Variants in THRB observed in about 807,000 individuals in gnomAD.
THRB encodes thyroid hormone receptor beta, also known as nuclear receptor subfamily 1 group A member 2.
In THRB, 12 loss-of-function variants were observed where a neutral mutation model predicts 47.8. The observed-to-expected ratio is 0.25, with a 90% CI of 0.16 to 0.41. The LOEUF (loss-of-function observed/expected upper bound fraction) is 0.41, where lower values mean the gene tolerates loss of function less well. Among genes scored for constraint, THRB ranks in the 10% least tolerant of loss-of-function variants. The pLI is 1.00. For missense variants in THRB, 348 were observed against 589.2 expected (o/e 0.59, Z 4.24); for synonymous variants, 218 against 212.2 (o/e 1.03, Z -0.24).
intron 3 of THRB, among the ~76,000 whole-genome samples, chr3:24,291,500 T>C (rs2055916420): frequency 6.6e-6 from 1 of 152,212 alleles, no homozygotes; most frequent in African/African-American, 2.4e-5. Context: ...GGGTGTAATA[T>C]TTGCATAAAA....
intron 1 of THRB, among the ~76,000 whole-genome samples, chr3:24,470,239 GA>G (rs1553772298): frequency 6.6e-6 from 1 of 152,162 alleles, no homozygotes; most frequent in Non-Finnish European, 1.5e-5. Flanking sequence ...AACAATTTAT[GA>G]GAAACAAATT....
At chr3:24,456,213 T>C (rs987298939) in intron 1 of THRB, among the ~76,000 whole-genome samples, 2 of 151,892 alleles carry the variant, frequency 1.3e-5, no homozygotes, top group African/African-American at 2.4e-5. Flanking sequence ...CACACACCTG[T>C]AATCCCAGCT....
chr3:24,386,903 A>G (rs2066166367), intron 1 of THRB, among the ~76,000 whole-genome samples: 1 of 152,172 alleles, frequency 6.6e-6, no homozygotes, highest in Admixed American at 6.6e-5. Flanking sequence ...GAGTTAAAGC[A>G]CAGAAAGCAC....
At chr3:24,391,709 G>A (rs1481434589) in intron 1 of THRB, among the ~76,000 whole-genome samples, 3 of 151,840 alleles carry the variant, frequency 2.0e-5, no homozygotes, top group African/African-American at 4.8e-5. Context: ...CAGCTGGTCC[G>A]TCCTCCATTT....
intron 1 of THRB, among the ~76,000 whole-genome samples, chr3:24,353,190 C>T (rs984988065): frequency 1.3e-5 from 2 of 151,982 alleles, no homozygotes; most frequent in African/African-American, 2.4e-5. Context: ...GTCAGAAACA[C>T]TCTTTGTCTT....
chr3:24,454,056 A>ATT (rs2072935603), intron 1 of THRB, among the ~76,000 whole-genome samples: 1 of 152,206 alleles, frequency 6.6e-6, no homozygotes, highest in African/African-American at 2.4e-5. Flanking sequence ...CGAAATAAAA[A>ATT]TTTTGCAAAT....
Position 24,143,690 on chromosome 3 carries a change from G to C in THRB, c.549C>G (p.Ser183Arg). The C allele has an allele frequency of 6.2e-7, 1 of 1,614,024 alleles. No individual in the cohort carries two copies. Among genetic ancestry groups the C allele is most frequent in the Non-Finnish European group, 8.5e-7 (1 of 1,180,022 alleles). The change falls in exon 8 of 11, where the codon AGC becomes AGG. Residue 183 changes from serine (S) to arginine (R), a missense_variant. Physicochemically the swap from Ser to Arg is moderately radical, Grantham distance 110. This residue lies in a region of THRB where 112 missense variants were observed against 212.3 expected (regional missense o/e 0.53). Transcript: ENST00000646209. ...TCAGCTTCCTCTTGGCCAGCCTCTTGCTGTCATCCAGCACCACTGGGAGGG... is the reference window on the plus strand; with the variant it reads ...TCAGCTTCCTCTTGGCCAGCCTCTTCCTGTCATCCAGCACCACTGGGAGGG... ...GMATDLVLDD[S>R]KRLAKRKLIE...
intron 1 of THRB, chr3:24,458,710 C>T (rs528323778): frequency 6.6e-6 from 1 of 152,138 alleles, no homozygotes; most frequent in African/African-American, 2.4e-5. Context: ...TCCAACTTAA[C>T]TGAGGAGTGA....
chr3:24,124,284 A>G (rs905979647), intron 10 of THRB, among the ~76,000 whole-genome samples: 1 of 152,166 alleles, frequency 6.6e-6, no homozygotes, highest in East Asian at 1.9e-4. Context: ...CAATTCGTGC[A>G]TTTTTATCTT....
At chr3:24,441,596 T>C (rs1417818099) in intron 1 of THRB, among the ~76,000 whole-genome samples, 1 of 152,198 alleles carries the variant, frequency 6.6e-6, no homozygotes, top group African/African-American at 2.4e-5. Context: ...TATTATTGAA[T>C]GAACCGAGGC....
intron 1 of THRB, among the ~76,000 whole-genome samples, chr3:24,409,352 A>G (rs537266672): frequency 6.6e-6 from 1 of 151,992 alleles, no homozygotes; most frequent in African/African-American, 2.4e-5. Flanking sequence ...AACAAATAAA[A>G]TTATGTTATT....
intron 4 of THRB, among the ~76,000 whole-genome samples, chr3:24,212,425 A>G (rs559633826): frequency 7.3e-4 from 108 of 147,784 alleles, no homozygotes; most frequent in African/African-American, 2.5e-3. Context: ...CAAAAAACGA[A>G]ACGAAAATTA....
At position 24,163,802 on chromosome 3, in the gene THRB, A is replaced by G. The variant is rs73823217; in HGVS notation, c.284-11312T>C. On this transcript the variant is annotated intron_variant, in intron 5 of 10. Coordinates refer to ENST00000646209, the MANE Select transcript of THRB (RefSeq NM_001354712.2). ...CATGCTGTAATCCCCTTAATATTTC[A>G]TGATTGGAAGTTATAGAATAACATT... Among the ~76,000 whole-genome samples, 1,515 of 152,228 alleles carry G rather than the reference A, an allele frequency of 1.0e-2. 18 individuals are homozygous for G. The highest frequency in any genetic ancestry group is 0.035 in the African/African-American group (1,440 of 41,546).
intron 1 of THRB, among the ~76,000 whole-genome samples, chr3:24,343,767 G>T (rs1338573294): frequency 5.3e-5 from 8 of 151,720 alleles, no homozygotes; most frequent in Admixed American, 5.3e-4. Flanking sequence ...AAACTTACAT[G>T]CCATCTCTGC....
intron 8 of THRB, among the ~76,000 whole-genome samples, chr3:24,136,248 T>C (rs1325582303): frequency 1.3e-5 from 2 of 152,224 alleles, no homozygotes; most frequent in Admixed American, 1.3e-4. Context: ...AAATTCACTT[T>C]TAAGCCTCTG....
intron 3 of THRB, among the ~76,000 whole-genome samples, chr3:24,263,334 A>G (rs2052281056): frequency 6.6e-6 from 1 of 152,078 alleles, no homozygotes; most frequent in Non-Finnish European, 1.5e-5. Flanking sequence ...ATTAGGGAGC[A>G]TTATCTCTGT....
At chr3:24,479,281 G>T (rs984998124) in intron 1 of THRB, among the ~76,000 whole-genome samples, 2 of 152,216 alleles carry the variant, frequency 1.3e-5, no homozygotes, top group Non-Finnish European at 2.9e-5. Flanking sequence ...CAGTCTGGGG[G>T]ACAGAGCGAG....
intron 2 of THRB, among the ~76,000 whole-genome samples, chr3:24,327,053 G>A (rs1420904362): frequency 3.3e-5 from 5 of 152,058 alleles, no homozygotes; most frequent in Non-Finnish European, 7.4e-5. Context: ...GTGAGCCACT[G>A]CTCCCTGTCA....
chr3:24,362,641 A>G (rs1308455775), intron 1 of THRB, among the ~76,000 whole-genome samples: 1 of 152,186 alleles, frequency 6.6e-6, no homozygotes, highest in East Asian at 1.9e-4. Flanking sequence ...TAGTGTCTCC[A>G]GTGCCTAAGG....
Sources: allele counts gnomAD v4.1 joint callset (sites outside exome capture counted in the v4.1 genomes callset), GRCh38; gene constraint gnomAD v4.1.1; regional missense constraint gnomAD v4.1.1; transcripts MANE v1.5; gene names NCBI Gene and HGNC (gene_info 2026-07-23, HGNC 2026-07-21).